The following ELP5 variants were observed in gnomAD, a reference collection of about 807,000 sequenced individuals.
ELP5 encodes the protein elongator complex protein 5.
Under a neutral mutation model 33.4 loss-of-function variants are expected in ELP5, and 34 were observed. The observed-to-expected ratio is 1.02, with a 90% CI of 0.78 to 1.36. ELP5 has a LOEUF of 1.36. Ranked by LOEUF, ELP5 falls within the 40% of genes most tolerant of loss-of-function variation. The probability of loss-of-function intolerance (pLI) is 0.00; values close to 1 mark genes in which losing one functional copy is unlikely to be tolerated. For synonymous variants in ELP5, 161 were observed against 146.4 expected (o/e 1.10, Z -0.72); for missense variants, 373 against 371.7 (o/e 1.00, Z -0.03).
chr17:7,258,974 C>G, intron 7 of ELP5, 48 bp downstream of exon 7: 1 of 1,612,884 alleles, frequency 6.2e-7, no homozygotes, highest in Non-Finnish European at 8.5e-7. Context: ...ATCCCAGCAT[C>G]TGGGCCATGG....
chr17:7,258,959 A>C (rs1415379827), intron 7 of ELP5, 33 bp downstream of exon 7: 1 of 1,613,608 alleles, frequency 6.2e-7, no homozygotes, highest in Non-Finnish European at 8.5e-7. Context: ...TGGATCCCTG[A>C]GTAGATCCCA....
rs753215404 is a variant in ELP5, at chr17:7,252,355, G to A, written c.-196G>A. On this transcript the variant is annotated 5_prime_UTR_variant, in exon 1 of 8. Transcript: ENST00000396628. ...CGTTGTCCGTACGACTGTGCGCCAG[G>A]GCTCGGGGAGGGGCGCCCTCCGCGT... 1 of 765,700 alleles carries A rather than the reference G, an allele frequency of 1.3e-6. No individual in the cohort carries two copies. The highest frequency in any genetic ancestry group is 2.2e-5 in the Admixed American group (1 of 46,286). The allele number at this position is 765,700 out of a possible 1,614,324, so 47.4% of individuals were successfully genotyped here.
Position 7,253,010 on chromosome 17 carries a change from T to C in ELP5, c.188+12T>C, listed in dbSNP as rs138383365. On this transcript the variant is annotated intron_variant, in intron 3 of 7. Coordinates refer to ENST00000396628, the MANE Select transcript of ELP5 (RefSeq NM_203414.3). The stretch of plus-strand genomic sequence containing the variant: ...GATATCAACAATCGGTAAGTACCAG[T>C]TGGAAGAGATTTGATTAAATTTGAG... 5.0e-6 allele frequency: 8 copies of C among 1,613,566 alleles called. No individual in the cohort carries two copies. The East Asian group carries it at 6.7e-5, about 13-fold the overall frequency.
At chr17:7,252,065 C>A, upstream of ELP5, 1 of 231,894 alleles carries the variant, frequency 4.3e-6, no homozygotes, top group Non-Finnish European at 8.8e-6. Context: ...TAAGTTCCTC[C>A]TGCGCGGTCT....
chr17:7,252,914 T>C lies in ELP5; in HGVS notation c.108-4T>C, dbSNP rs748884770. On this transcript the variant is annotated splice_polypyrimidine_tract_variant and splice_region_variant and intron_variant, in intron 2 of 7. Transcript: ENST00000396628. ...TTGACAATCCCTTCTCATCTCTGCCTTAGTGGGGAGCAAGTGCATATCCTG... is the reference window on the plus strand; with the variant it reads ...TTGACAATCCCTTCTCATCTCTGCCCTAGTGGGGAGCAAGTGCATATCCTG... 1 of 1,614,162 alleles carries C rather than the reference T, an allele frequency of 6.2e-7. No homozygotes were observed. Among genetic ancestry groups the C allele is most frequent in the East Asian group, 2.2e-5 (1 of 44,882 alleles).
chr17:7,252,594 G>A lies in ELP5; in HGVS notation c.44G>A (p.Arg15Gln), dbSNP rs1239818023. Residue 15 changes from arginine (R) to glutamine (Q), a missense_variant and splice_region_variant, in exon 1 of 8, where the codon CGG becomes CAG. By Grantham distance (43) the Arg-to-Gln change is conservative. Transcript: ENST00000396628. ...LLALGGLVLLRDSVEWEGRSL... is the reference protein window; with the variant it reads ...LLALGGLVLLQDSVEWEGRSL... Reference sequence around the variant, plus strand: ...GCCTTGGGCGGCCTGGTGCTGCTTCGGGGTGAGAGCCAGAGGCACGGTGGC... The same window carrying A: ...GCCTTGGGCGGCCTGGTGCTGCTTCAGGGTGAGAGCCAGAGGCACGGTGGC... The A allele has an allele frequency of 1.2e-6, 2 of 1,612,134 alleles. No homozygotes were observed. The highest frequency in any genetic ancestry group is 8.5e-7 in the Non-Finnish European group (1 of 1,179,630).
upstream of ELP5, chr17:7,252,065 C>T (rs1382762008): frequency 1.3e-5 from 3 of 231,776 alleles, no homozygotes; most frequent in Non-Finnish European, 2.7e-5. Flanking sequence ...TAAGTTCCTC[C>T]TGCGCGGTCT....
chr17:7,259,665 G>C lies in ELP5; in HGVS notation c.883G>C (p.Asp295His). 1 of 1,614,228 alleles carries C rather than the reference G, an allele frequency of 6.2e-7. No individual in the cohort carries two copies. The highest frequency in any genetic ancestry group is 8.5e-7 in the Non-Finnish European group (1 of 1,180,032). Residue 295 changes from aspartate to histidine, a missense_variant, in exon 8 of 8, where the codon GAT becomes CAT. Asp to His is a moderately conservative substitution (Grantham distance 81). Transcript: ENST00000396628. Reference sequence around the variant, plus strand: ...TGATGACCTGGACCAAGAAGACCCAGATGACGACCTGGATATTTGACTGGC... The same window carrying C: ...TGATGACCTGGACCAAGAAGACCCACATGACGACCTGGATATTTGACTGGC... Reference protein sequence around the residue: ...AYDDLDQEDPDDDLDI With the variant: ...AYDDLDQEDPHDDLDI
In ELP5 at chr17:7,252,825, A is replaced by C; in HGVS notation, c.102A>C (p.Ala34=). 1 of 1,614,232 alleles carries C rather than the reference A, an allele frequency of 6.2e-7. No homozygotes were observed. Among genetic ancestry groups the C allele is most frequent in the Non-Finnish European group, 8.5e-7 (1 of 1,180,040 alleles). ...TGAAGGCGCTTGTCAAGAAATCTGC[A>C]CTGTGGTGAGTATCCCACAGTGTCT... The part of the protein sequence containing the change: ...SLLKALVKKS[A]LCGEQVHILG... The change falls in exon 2 of 8, where the codon GCA becomes GCC. Residue 34 remains alanine (A), a synonymous_variant. Transcript: ENST00000396628.
chr17:7,258,790 G>A, intron 6 of ELP5, 36 bp from the exon 7 acceptor site: 1 of 1,614,138 alleles, frequency 6.2e-7, no homozygotes, highest in African/African-American at 1.3e-5. Flanking sequence ...GGATTCTAGG[G>A]ATGGGGCAGA....
intron 4 of ELP5, among the ~76,000 whole-genome samples, chr17:7,255,134 C>G (rs886955421): frequency 4.0e-5 from 6 of 151,864 alleles, no homozygotes; most frequent in African/African-American, 1.5e-4. Flanking sequence ...CTTCCAGGAG[C>G]TCGAAGTCCC....
At chr17:7,253,945 G>A (rs576778879) in intron 3 of ELP5, among the ~76,000 whole-genome samples, 4 of 151,564 alleles carry the variant, frequency 2.6e-5, no homozygotes, top group Non-Finnish European at 4.4e-5. Context: ...TGCAGTGAGC[G>A]GAGATCACGC....
rs1258046545 is a variant in ELP5 at position 7,252,282 on chromosome 17, C to T, written c.-269C>T. The T allele has an allele frequency of 5.4e-6, 3 of 551,268 alleles. No homozygotes were observed. The highest frequency in any genetic ancestry group is 1.9e-5 in the South Asian group (1 of 52,084). The allele number at this position is 551,268 out of a possible 1,614,324, so 34.1% of individuals were successfully genotyped here. A position where few individuals can be genotyped will look rare whatever the true frequency, so the allele number is the denominator to read the frequency against. On this transcript the variant is annotated 5_prime_UTR_variant, in exon 1 of 8. Transcript: ENST00000396628. ...CTCCTCCCCCTCCCACTGACAACTG[C>T]CCCAACTGCTCTTCCCGCCCCGGTC...
chr17:7,252,594 G>T lies in ELP5; in HGVS notation c.44G>T (p.Arg15Leu). 1 of 1,612,252 alleles carries T rather than the reference G, an allele frequency of 6.2e-7. No homozygotes were observed. Among genetic ancestry groups the T allele is most frequent in the Non-Finnish European group, 8.5e-7 (1 of 1,179,622 alleles). ...LLALGGLVLL[R>L]DSVEWEGRSL... ...GCCTTGGGCGGCCTGGTGCTGCTTC[G>T]GGGTGAGAGCCAGAGGCACGGTGGC... Residue 15 changes from arginine (R) to leucine (L), a missense_variant and splice_region_variant, in exon 1 of 8, where the codon CGG (arginine) becomes CTG (leucine). Arg to Leu is a moderately radical substitution (Grantham distance 102). Coordinates refer to ENST00000396628, the MANE Select transcript of ELP5 (RefSeq NM_203414.3).
intron 4 of ELP5, among the ~76,000 whole-genome samples, chr17:7,255,414 G>C (rs2072054971): frequency 6.6e-6 from 1 of 152,010 alleles, no homozygotes; most frequent in South Asian, 2.1e-4. Flanking sequence ...TCTAGTCCCA[G>C]CTACCCGGGA....
chr17:7,252,357 C>A lies in ELP5; in HGVS notation c.-194C>A. 2 of 786,240 alleles carry A rather than the reference C, an allele frequency of 2.5e-6. No individual in the cohort carries two copies. The highest frequency in any genetic ancestry group is 4.2e-6 in the Non-Finnish European group (2 of 474,942). 48.7% of individuals were successfully genotyped at this position (786,240 alleles called of 1,614,324 possible). ...TTGTCCGTACGACTGTGCGCCAGGG[C>A]TCGGGGAGGGGCGCCCTCCGCGTGA... On this transcript the variant is annotated 5_prime_UTR_variant, in exon 1 of 8. Transcript: ENST00000396628.
intron 6 of ELP5, 43 bp downstream of exon 6, chr17:7,258,726 G>A (rs759886600): frequency 6.2e-7 from 1 of 1,614,024 alleles, no homozygotes; most frequent in African/African-American, 1.3e-5. Flanking sequence ...ATGTAGTTTA[G>A]TATCTGGTCA....
rs71956002 is a variant in ELP5 at position 7,254,845 on chromosome 17, CTGCCAAGGAGTG to C, written c.409+47_409+58del. The C allele has an allele frequency of 3.5e-3, 5,383 of 1,546,522 alleles. 162 individuals carry two copies. The African/African-American group carries it at 0.062, about 18-fold the overall frequency. ...ATTGTTTCCCCTCATACATCTCCCT[CTGCCAAGGAGTG>C]TGCCCCTTTTCCTTTCTACCCTAGA... On this transcript the variant is annotated intron_variant, in intron 4 of 7. Transcript: ENST00000396628.
rs537547388 is a variant in ELP5, at chr17:7,252,731, C to T, written c.47-39C>T. The stretch of plus-strand genomic sequence containing the variant: ...GACGGGTTCGCGAAGGCGGTAATCC[C>T]AGCGCTCTCATACCCTTTATCCGTC... On this transcript the variant is annotated intron_variant, in intron 1 of 7. Coordinates refer to ENST00000396628, the MANE Select transcript of ELP5 (RefSeq NM_203414.3). 7.4e-5 allele frequency: 120 copies of T among 1,613,914 alleles called. 1 individual carries two copies. In the South Asian group the frequency reaches 1.3e-3, roughly 17 times the overall value.
Sources: gnomAD v4.1 joint callset for allele counts (sites outside exome capture counted in the v4.1 genomes callset) on GRCh38, gnomAD v4.1.1 for gene constraint, MANE v1.5 for transcripts, NCBI Gene and HGNC (gene_info 2026-07-23, HGNC 2026-07-21) for gene names.